Variants in ZNF831 observed in about 807,000 individuals in gnomAD.
The protein encoded by ZNF831 is zinc finger protein 831.
ZNF831 carries 59 observed loss-of-function variants against 95.8 expected under a neutral mutation model. That is an observed-to-expected ratio of 0.62 (90% CI 0.50 to 0.77). The LOEUF (loss-of-function observed/expected upper bound fraction) is 0.77. ZNF831 is among the 30% of genes least tolerant of loss of function. ZNF831 has a pLI of 0.00. For synonymous variants in ZNF831, 961 were observed against 925.5 expected, an observed-to-expected ratio of 1.04 and a Z score of -0.70; for missense variants, 2,205 against 2,164.0, an observed-to-expected ratio of 1.02 and a Z score of -0.38.
chr20:59,211,416 C>T (rs1985323741), intron 4 of ZNF831, among the ~76,000 whole-genome samples: 1 of 152,210 alleles, frequency 6.6e-6, no homozygotes, highest in African/African-American at 2.4e-5. Context: ...CTGCCTGCTC[C>T]TTATTGAAGT....
rs1485234519 is a variant in ZNF831, at chr20:59,191,036, C to G, written c.17C>G (p.Pro6Arg). The G allele has an allele frequency of 4.7e-6, 7 of 1,485,506 alleles. No homozygotes were observed. The Admixed American group carries it at 7.4e-5, about 16-fold the overall frequency. The allele number at this position is 1,485,506 out of a possible 1,614,324, so 92.0% of individuals were successfully genotyped here. The change falls in exon 2 of 6, where the codon CCC becomes CGC. Residue 6 changes from proline to arginine, a missense_variant. Transcript: ENST00000371030. Reference sequence around the variant, plus strand: ...TGATGCGGAATGGAGGTTCCAGAACCCACCTGCCCTGCCCCTCCTGCGAGG... The same window carrying G: ...TGATGCGGAATGGAGGTTCCAGAACGCACCTGCCCTGCCCCTCCTGCGAGG... MEVPE[P>R]TCPAPPARDQ...
rs188967216 is a variant in ZNF831 at position 59,239,733 on chromosome 20, C to T, written c.4028-13245C>T. ...CTAGTTTTTGTATTTTTCGTAGAGA[C>T]AGCGTTTCACCATGTTGGCCAGGCT... On this transcript the variant is annotated intron_variant, in intron 4 of 5. Transcript: ENST00000371030. 1.8e-3 allele frequency among the ~76,000 whole-genome samples: 269 copies of T among 152,232 alleles called. 3 individuals are homozygous for T. Among genetic ancestry groups the T allele is most frequent in the Admixed American group, 0.017 (258 of 15,302 alleles).
chr20:59,195,277 G>A (rs981192273), intron 2 of ZNF831, among the ~76,000 whole-genome samples: 2 of 152,206 alleles, frequency 1.3e-5, no homozygotes, highest in African/African-American at 4.8e-5. Context: ...TTCTCACTTG[G>A]TGAAGAAATG....
chr20:59,137,703 G>A (rs924246826), intron 1 of ZNF831, among the ~76,000 whole-genome samples: 5 of 152,228 alleles, frequency 3.3e-5, no homozygotes, highest in Non-Finnish European at 5.9e-5. Context: ...CCAGGCAGGT[G>A]GGAGTGGTGC....
chr20:59,179,436 G>T (rs1199655454), intron 1 of ZNF831, among the ~76,000 whole-genome samples: 4 of 152,124 alleles, frequency 2.6e-5, no homozygotes, highest in African/African-American at 9.7e-5. Flanking sequence ...CACACACTGG[G>T]GGGCTCACAG....
At chr20:59,140,910 A>G (rs1032513531) in intron 1 of ZNF831, among the ~76,000 whole-genome samples, 8 of 151,938 alleles carry the variant, frequency 5.3e-5, no homozygotes, top group African/African-American at 1.9e-4. Flanking sequence ...AATTTTATTT[A>G]TTTATTTATT....
intron 1 of ZNF831, among the ~76,000 whole-genome samples, chr20:59,166,942 C>G (rs552343503): frequency 3.7e-4 from 56 of 152,270 alleles, no homozygotes; most frequent in Non-Finnish European, 6.2e-4. Context: ...AATAAATGCC[C>G]AGGAGTGCAG....
intron 2 of ZNF831, 36 bp from the exon 3 acceptor site, chr20:59,195,833 T>C (rs1351947768): frequency 6.3e-7 from 1 of 1,594,718 alleles, no homozygotes; most frequent in Non-Finnish European, 8.5e-7. Context: ...ATGAGGACTT[T>C]GAGTAATGTG....
At chr20:59,253,226 C>A in intron 5 of ZNF831, 88 bp downstream of exon 5, 2 of 1,460,640 alleles carry the variant, frequency 1.4e-6, no homozygotes, top group Non-Finnish European at 1.9e-6. Flanking sequence ...TTCAGTGTGG[C>A]AGAACTTGCT....
intron 3 of ZNF831, among the ~76,000 whole-genome samples, chr20:59,205,563 G>A (rs1984835643): frequency 6.6e-6 from 1 of 152,218 alleles, no homozygotes; most frequent in African/African-American, 2.4e-5. Context: ...TGCCCAAGAG[G>A]ATACTGCATT....
chr20:59,138,967 C>G (rs1028010006), intron 1 of ZNF831, among the ~76,000 whole-genome samples: 5 of 152,096 alleles, frequency 3.3e-5, no homozygotes, highest in African/African-American at 1.2e-4. Context: ...GAGAGGTCCT[C>G]TCCGTCCATT....
Position 59,217,459 on chromosome 20 carries a change from G to T in ZNF831, c.4027+10403G>T, listed in dbSNP as rs1395762886. ...CTTAGCCCAGGCAGGGTTTGCTCTA[G>T]GGAATAACCAAGAAGAGAAATTGCT... On this transcript the variant is annotated intron_variant, in intron 4 of 5. Coordinates refer to ENST00000371030, the MANE Select transcript of ZNF831 (RefSeq NM_178457.3). This position sits in a 1 kb window ranked among gnomAD's most constrained non-coding sequence, Gnocchi z 4.4. Among the ~76,000 whole-genome samples the T allele has an allele frequency of 6.6e-6, 1 of 152,220 alleles. No individual in the cohort carries two copies. Among genetic ancestry groups the T allele is most frequent in the East Asian group, 1.9e-4 (1 of 5,192 alleles).
At chr20:59,213,021 A>G (rs944718197) in intron 4 of ZNF831, among the ~76,000 whole-genome samples, 3 of 152,254 alleles carry the variant, frequency 2.0e-5, no homozygotes, top group Non-Finnish European at 2.9e-5. Context: ...ACAAGAGAAA[A>G]GTGACAAAGA....
At chr20:59,165,289 T>C (rs577088487) in intron 1 of ZNF831, among the ~76,000 whole-genome samples, 30 of 152,242 alleles carry the variant, frequency 2.0e-4, no homozygotes, top group African/African-American at 6.7e-4. Flanking sequence ...ATGAACATCA[T>C]GTAAGCAGAG....
rs545415974 is a variant in ZNF831 at position 59,250,392 on chromosome 20, G to A, written c.4028-2586G>A. ...AGCTGACCAGTACACGTGGAGACCT[G>A]CAGATAACTACTTCAGGGTTCCCAC... On this transcript the variant is annotated intron_variant, in intron 4 of 5. Transcript: ENST00000371030. Among the ~76,000 whole-genome samples the A allele has an allele frequency of 2.1e-4, 32 of 152,294 alleles. No individual in the cohort carries two copies. The Middle Eastern group carries it at 0.017, about 81-fold the overall frequency.
intron 1 of ZNF831, among the ~76,000 whole-genome samples, chr20:59,141,459 G>A (rs994941830): frequency 9.2e-5 from 14 of 152,108 alleles, no homozygotes; most frequent in East Asian, 7.7e-4. Flanking sequence ...CTCCAGCACC[G>A]TTTGTTGAAA....
intron 2 of ZNF831, among the ~76,000 whole-genome samples, chr20:59,147,183 C>A (rs760592049): frequency 6.6e-6 from 1 of 152,188 alleles, no homozygotes; most frequent in East Asian, 1.9e-4. Flanking sequence ...GAGAAGCAGA[C>A]AAAAAGCTCC....
chr20:59,187,879 T>C lies in ZNF831; in HGVS notation c.-36-3105T>C, dbSNP rs145402780. On this transcript the variant is annotated intron_variant, in intron 1 of 5. Coordinates refer to ENST00000371030, the MANE Select transcript of ZNF831 (RefSeq NM_178457.3). ...GAGTTTGTCTATTCCAGTTTCTTCATACAAATGCAATTATAAAACACGTGA... is the reference window on the plus strand; with the variant it reads ...GAGTTTGTCTATTCCAGTTTCTTCACACAAATGCAATTATAAAACACGTGA... 3.1e-3 allele frequency among the ~76,000 whole-genome samples: 468 copies of C among 152,346 alleles called. 7 individuals carry two copies. Among genetic ancestry groups the C allele is most frequent in the African/African-American group, 0.011 (445 of 41,582 alleles).
chr20:59,141,785 A>G lies in ZNF831; in HGVS notation c.-1424-4446A>G, dbSNP rs192584897. ...ACAACTTTATTTAAAAGGAAAACAC[A>G]TAAGTTTGCTATGTCAGCTAGAGCT... is the stretch of plus-strand genomic sequence containing the variant. On this transcript the variant is annotated intron_variant, in intron 1 of 7. Transcript: ENST00000637017. Among the ~76,000 whole-genome samples, 4 of 152,366 alleles carry G rather than the reference A, an allele frequency of 2.6e-5. No individual in the cohort carries two copies. In the East Asian group the frequency reaches 7.7e-4, roughly 29 times the overall value.
Sources: gnomAD v4.1 joint callset for allele counts (sites outside exome capture counted in the v4.1 genomes callset) on GRCh38, gnomAD v4.1.1 for gene constraint, Gnocchi (gnomAD v3.1) non-coding constraint, MANE v1.5 for transcripts, NCBI Gene and HGNC (gene_info 2026-07-23, HGNC 2026-07-21) for gene names.